Variants in CEP350 observed in about 807,000 individuals in gnomAD.
CEP350 encodes the protein centrosome-associated protein 350.
A neutral mutation model predicts 331.8 loss-of-function variants in CEP350; 126 were observed. The ratio of observed to expected loss-of-function variants is 0.38; its 90% CI spans 0.33 to 0.44. The LOEUF is 0.44. Among genes scored for constraint, CEP350 ranks in the 20% least tolerant of loss-of-function variants. The pLI, the probability that CEP350 is intolerant of heterozygous loss-of-function variation, is 1.00. For synonymous variants in CEP350, 1,200 were observed against 1,259.5 expected (o/e 0.95, Z 1.00); for missense variants, 3,406 against 3,634.6 (o/e 0.94, Z 1.62).
intron 6 of CEP350, among the ~76,000 whole-genome samples, chr1:180,001,618 T>C (rs987655576): frequency 5.9e-5 from 9 of 152,324 alleles, no homozygotes; most frequent in Middle Eastern, 3.4e-3. Flanking sequence ...AAATCCCATA[T>C]GTGTAAGGTT....
intron 28 of CEP350, among the ~76,000 whole-genome samples, chr1:180,075,709 C>T (rs1014544932): frequency 2.0e-5 from 3 of 151,860 alleles, no homozygotes; most frequent in African/African-American, 7.3e-5. Flanking sequence ...AATCTTAGCA[C>T]TTTGGGAGTC....
In CEP350 at chr1:180,110,632, C is replaced by T. The variant is rs533320509; in HGVS notation, c.9190-365C>T. ...CATAACTCCATTGTAAGTAGAGGAA[C>T]ATTTCTGTCTAATATTTTGTGTTTT... On this transcript the variant is annotated intron_variant, in intron 37 of 37. Transcript: ENST00000367607. Among the ~76,000 whole-genome samples the T allele has an allele frequency of 9.8e-5, 15 of 152,288 alleles. No homozygotes were observed. In the South Asian group the frequency reaches 2.5e-3, roughly 25 times the overall value.
rs551039537 is a variant in CEP350, at chr1:180,057,504, A to G, written c.5262+3002A>G. Among the ~76,000 whole-genome samples the G allele has an allele frequency of 1.6e-4, 22 of 139,678 alleles. No individual in the cohort carries two copies. The South Asian group carries it at 1.8e-3, about 11-fold the overall frequency. The allele number at this position is 139,678 out of a possible 152,430, so 91.6% of individuals were successfully genotyped here. On this transcript the variant is annotated intron_variant, in intron 25 of 37. Transcript: ENST00000367607. ...GGCCATGTGTGCCTCTATTATTACT[A>G]TTGTCTGTTTTCTTTTTTTTTTTTT...
chr1:180,101,525 C>A (rs1660811085), intron 37 of CEP350, among the ~76,000 whole-genome samples: 1 of 152,176 alleles, frequency 6.6e-6, no homozygotes, highest in Admixed American at 6.6e-5. Context: ...CACAAGAAAA[C>A]TTCTGTGACC....
intron 33 of CEP350, among the ~76,000 whole-genome samples, chr1:180,091,202 A>AT (rs748845114): frequency 0.017 from 2,473 of 147,568 alleles, 67 homozygotes; most frequent in African/African-American, 0.056. Context: ...TTTTTAAGAG[A>AT]CGGGGGGGTC....
chr1:179,960,307 G>A (rs533524037), intron 1 of CEP350, among the ~76,000 whole-genome samples: 1 of 152,006 alleles, frequency 6.6e-6, no homozygotes, highest in Non-Finnish European at 1.5e-5. Flanking sequence ...AAGCCACACA[G>A]ACATGGGGAG....
chr1:180,096,107 G>C lies in CEP350; in HGVS notation c.8989G>C (p.Val2997Leu). ...FAEDPNLNQPVWMKPCRINSS... is the reference protein window; with the variant it reads ...FAEDPNLNQPLWMKPCRINSS... ...TGAGGATCCCAACTTAAATCAACCT[G>C]TCTGGATGAAGCCATGTAGAATCAA... The change falls in exon 36 of 38, where the codon GTC (valine) becomes CTC (leucine). Residue 2997 changes from valine to leucine, a missense_variant. Val to Leu is a conservative substitution (Grantham distance 32, BLOSUM62 1). Coordinates refer to ENST00000367607, the MANE Select transcript of CEP350 (RefSeq NM_014810.5). 1 of 1,561,108 alleles carries C rather than the reference G, an allele frequency of 6.4e-7. No homozygotes were observed. Among genetic ancestry groups the C allele is most frequent in the African/African-American group, 1.4e-5 (1 of 73,870 alleles).
chr1:179,978,086 A>G (rs890009968), intron 1 of CEP350, among the ~76,000 whole-genome samples: 1 of 152,078 alleles, frequency 6.6e-6, no homozygotes. Flanking sequence ...TTCAGCTCCA[A>G]TATAGTTTTA....
chr1:179,977,391 A>G (rs1206516741), intron 1 of CEP350, among the ~76,000 whole-genome samples: 1 of 152,226 alleles, frequency 6.6e-6, no homozygotes, highest in African/African-American at 2.4e-5. Context: ...AGGAAGATGA[A>G]CATGGTAAAT....
In CEP350 at chr1:179,996,753, A is replaced by C; in HGVS notation, c.596A>C (p.Asp199Ala). 1 of 1,613,556 alleles carries C rather than the reference A, an allele frequency of 6.2e-7. No homozygotes were observed. The highest frequency in any genetic ancestry group is 1.1e-5 in the South Asian group (1 of 90,992). ...GATACAGTTGTTAGGTTTTTAAATG[A>C]TCGACCAGCAATTGATGCATTGCAA... ...INDTVVRFLN[D>A]RPAIDALQNS... The change falls in exon 6 of 38, where the codon GAT (aspartate) becomes GCT (alanine). Residue 199 changes from aspartate to alanine, a missense_variant. Coordinates refer to ENST00000367607, the MANE Select transcript of CEP350 (RefSeq NM_014810.5).
chr1:180,013,107 A>G (rs1306670492), intron 9 of CEP350, among the ~76,000 whole-genome samples: 1 of 152,160 alleles, frequency 6.6e-6, no homozygotes, highest in East Asian at 1.9e-4. Context: ...ACCTTTGCAC[A>G]TTTTCTCTGG....
Position 180,112,134 on chromosome 1 carries a change from G to T in CEP350, c.*973G>T, listed in dbSNP as rs990296813. Reference sequence around the variant, plus strand: ...CAAAAAGATATTGTCTATTGTTTGTGTGCTTGTTTTGCGCTATGGAACATT... The same window carrying T: ...CAAAAAGATATTGTCTATTGTTTGTTTGCTTGTTTTGCGCTATGGAACATT... On this transcript the variant is annotated 3_prime_UTR_variant, in exon 38 of 38. Transcript: ENST00000367607. 1 of 152,606 alleles carries T rather than the reference G, an allele frequency of 6.6e-6. No homozygotes were observed. The highest frequency in any genetic ancestry group is 1.5e-5 in the Non-Finnish European group (1 of 68,016). 9.5% of individuals were successfully genotyped at this position (152,606 alleles called of 1,614,324 possible).
intron 12 of CEP350, among the ~76,000 whole-genome samples, chr1:180,021,590 G>C (rs899539144): frequency 2.0e-5 from 3 of 151,980 alleles, no homozygotes. Context: ...CCTGGTAGGC[G>C]GAGGTTGCAG....
chr1:180,032,138 A>C (rs906200628), intron 15 of CEP350, among the ~76,000 whole-genome samples: 1 of 152,098 alleles, frequency 6.6e-6, no homozygotes, highest in African/African-American at 2.4e-5. Flanking sequence ...TCCGTTGCTT[A>C]CAAATAACCT....
At chr1:180,010,125 A>C (rs962807484) in intron 8 of CEP350, among the ~76,000 whole-genome samples, 2 of 152,052 alleles carry the variant, frequency 1.3e-5, no homozygotes, top group Admixed American at 6.6e-5. Context: ...TATATGTAAA[A>C]TTTCATTGGT....
intron 2 of CEP350, among the ~76,000 whole-genome samples, chr1:179,986,742 C>G (rs1652673615): frequency 6.6e-6 from 1 of 152,128 alleles, no homozygotes; most frequent in South Asian, 2.1e-4. Context: ...AGTGGAAATA[C>G]TTATCCTGGA....
At position 179,996,770 on chromosome 1, in the gene CEP350, G is replaced by T. The variant is rs769914040; in HGVS notation, c.613G>T (p.Ala205Ser). 1 of 1,613,250 alleles carries T rather than the reference G, an allele frequency of 6.2e-7. No homozygotes were observed. The highest frequency in any genetic ancestry group is 8.5e-7 in the Non-Finnish European group (1 of 1,179,346). ...TTTAAATGATCGACCAGCAATTGAT[G>T]CATTGCAAAATTCTGAATGTTTGAT... Reference protein sequence around the residue: ...RFLNDRPAIDALQNSECLIRM... With the variant: ...RFLNDRPAIDSLQNSECLIRM... The change falls in exon 6 of 38, where the codon GCA (alanine) becomes TCA (serine). Residue 205 changes from alanine (A) to serine (S), a missense_variant. Physicochemically the swap from Ala to Ser is moderately conservative, Grantham distance 99. Around this residue, in one of 5 missense-constraint regions of CEP350, gnomAD observed 1,857 missense variants for 1,909.2 expected, o/e 0.97. Transcript: ENST00000367607.
chr1:180,010,013 A>G (rs1053276585), intron 8 of CEP350, among the ~76,000 whole-genome samples: 3 of 152,170 alleles, frequency 2.0e-5, no homozygotes, highest in African/African-American at 7.2e-5. Context: ...ACCACTATCC[A>G]GACTTAAATA....
Position 180,044,125 on chromosome 1 carries a change from C to A in CEP350, c.4574C>A (p.Ser1525Ter). ...LDSKHQKYSASYDSYSESSGY... is the reference protein window; with the variant it reads ...LDSKHQKYSA ...TCAAAGCATCAGAAGTATTCTGCTTCATATGATAGTTATTCTGAGTCTTCA... is the reference window on the plus strand; with the variant it reads ...TCAAAGCATCAGAAGTATTCTGCTTAATATGATAGTTATTCTGAGTCTTCA... The change falls in exon 21 of 38, where the codon TCA becomes TAA. Residue 1525 changes from serine to a stop codon, truncating the protein, a stop_gained. Transcript: ENST00000367607. LOFTEE classifies it high-confidence loss of function. 1 of 1,566,270 alleles carries A rather than the reference C, an allele frequency of 6.4e-7. No individual in the cohort carries two copies. Among genetic ancestry groups the A allele is most frequent in the Non-Finnish European group, 8.7e-7 (1 of 1,153,858 alleles).
Sources: gnomAD v4.1 joint callset for allele counts (sites outside exome capture counted in the v4.1 genomes callset) on GRCh38, gnomAD v4.1.1 for gene constraint, gnomAD v4.1.1 regional missense constraint, MANE v1.5 for transcripts, NCBI Gene and HGNC (gene_info 2026-07-23, HGNC 2026-07-21) for gene names.